PLS1: variants seen among roughly 807,000 people sequenced by gnomAD.
PLS1 encodes the protein plastin-1.
PLS1 carries 32 observed loss-of-function variants against 73.7 expected under a neutral mutation model. The observed-to-expected ratio is 0.43, with a 90% CI of 0.33 to 0.58. The LOEUF is 0.58. Among genes scored for constraint, PLS1 ranks in the 20% least tolerant of loss-of-function variants. The pLI, the probability that PLS1 is intolerant of heterozygous loss-of-function variation, is 0.04. For missense variants in PLS1, 633 were observed against 740.5 expected (o/e 0.85, Z 1.68); for synonymous variants, 217 against 261.3 (o/e 0.83, Z 1.63).
intron 1 of PLS1, among the ~76,000 whole-genome samples, chr3:142,643,805 CTT>C (rs902414252): frequency 6.7e-6 from 1 of 149,500 alleles, no homozygotes; most frequent in African/African-American, 2.5e-5. Flanking sequence ...TAGTTCTGCT[CTT>C]GTTAATTTCT....
Position 142,700,317 on chromosome 3 carries a change from T to TTTTATTTA in PLS1, c.1371+2266_1371+2273dup, listed in dbSNP as rs370206449. ...TTCTTCTTCATTATTATTATTATTA[T>TTTTATTTA]TTTATTTATTTATTTATTTATTTGA... On this transcript the variant is annotated intron_variant, in intron 12 of 15. Transcript: ENST00000457734. Among the ~76,000 whole-genome samples, 558 of 150,884 alleles carry TTTTATTTA rather than the reference T, an allele frequency of 3.7e-3. 5 individuals carry two copies. Among genetic ancestry groups the TTTTATTTA allele is most frequent in the African/African-American group, 0.013 (536 of 40,802 alleles).
At chr3:142,658,687 C>T (rs1422000714) in intron 1 of PLS1, among the ~76,000 whole-genome samples, 1 of 152,072 alleles carries the variant, frequency 6.6e-6, no homozygotes, top group African/African-American at 2.4e-5. Context: ...ATGTATACTT[C>T]AGCAGTTTGC....
rs139707593 is a variant in PLS1 at position 142,611,243 on chromosome 3, C to T, written c.-37+14734C>T. Among the ~76,000 whole-genome samples the T allele has an allele frequency of 7.2e-5, 11 of 152,300 alleles. No homozygotes were observed. In the East Asian group the frequency reaches 1.2e-3, roughly 16 times the overall value. ...AAGCAGGCAGTGGACCAGATTTGGC[C>T]TTCAGGCTGAGTTTGTCAACCCCTG... On this transcript the variant is annotated intron_variant, in intron 1 of 15. Transcript: ENST00000457734.
chr3:142,599,214 A>C (rs1159376837), intron 1 of PLS1, among the ~76,000 whole-genome samples: 1 of 151,710 alleles, frequency 6.6e-6, no homozygotes, highest in Non-Finnish European at 1.5e-5. Context: ...ATAAATAAAT[A>C]AAAAGTGCAT....
At chr3:142,699,459 A>AAAAAC (rs1252574925) in intron 12 of PLS1, among the ~76,000 whole-genome samples, 1 of 152,204 alleles carries the variant, frequency 6.6e-6, no homozygotes, top group Non-Finnish European at 1.5e-5. Flanking sequence ...CTCTGTCTCA[A>AAAAAC]AAAACAAAAC....
In PLS1 at chr3:142,628,070, C is replaced by T. The variant is rs183731609; in HGVS notation, c.-37+31561C>T. Among the ~76,000 whole-genome samples the T allele has an allele frequency of 1.3e-4, 20 of 152,310 alleles. 1 individual carries two copies. The highest frequency in any genetic ancestry group is 1.2e-3 in the Admixed American group (18 of 15,294). On this transcript the variant is annotated intron_variant, in intron 1 of 15. Transcript: ENST00000457734. Reference sequence around the variant, plus strand: ...AATTTCAATGTCTACATAAAAGAAGCTCAGAGCTCTTTCTTGAATATCATG... The same window carrying T: ...AATTTCAATGTCTACATAAAAGAAGTTCAGAGCTCTTTCTTGAATATCATG...
chr3:142,704,619 G>A (rs560360926), intron 14 of PLS1, 33 bp downstream of exon 14: 3 of 497,410 alleles, frequency 6.0e-6, no homozygotes. Flanking sequence ...ATTTTTTTTT[G>A]TAGGTATAGG....
At chr3:142,666,912 T>A (rs1248446881) in intron 2 of PLS1, among the ~76,000 whole-genome samples, 1 of 152,250 alleles carries the variant, frequency 6.6e-6, no homozygotes, top group Non-Finnish European at 1.5e-5. Flanking sequence ...CTAATGTGCT[T>A]ATTGGCCAAT....
intron 14 of PLS1, among the ~76,000 whole-genome samples, chr3:142,709,890 A>G (rs1001493283): frequency 6.6e-6 from 1 of 151,998 alleles, no homozygotes; most frequent in Non-Finnish European, 1.5e-5. Context: ...TCTTCTTCAC[A>G]TGGCTTCAGA....
intron 1 of PLS1, among the ~76,000 whole-genome samples, chr3:142,637,069 T>A (rs906603565): frequency 2.0e-5 from 3 of 152,184 alleles, no homozygotes; most frequent in Non-Finnish European, 1.5e-5. Context: ...AGGCATTTAC[T>A]GAAGAAAAAT....
Position 142,674,124 on chromosome 3 carries a change from T to C in PLS1, c.365-2033T>C, listed in dbSNP as rs1426464034. On this transcript the variant is annotated intron_variant, in intron 4 of 15. Coordinates refer to ENST00000457734, the MANE Select transcript of PLS1 (RefSeq NM_001145319.2). ...TTCTTTTTTTAAATTCTGCAAACAT[T>C]GCATATATATTTCTGGTGGTGTGTG... Among the ~76,000 whole-genome samples, 6 of 152,200 alleles carry C rather than the reference T, an allele frequency of 3.9e-5. No homozygotes were observed. The East Asian group carries it at 1.2e-3, about 29-fold the overall frequency.
At chr3:142,642,249 T>C (rs2036858341) in intron 1 of PLS1, among the ~76,000 whole-genome samples, 1 of 152,184 alleles carries the variant, frequency 6.6e-6, no homozygotes, top group Non-Finnish European at 1.5e-5. Context: ...GGTGAATTTT[T>C]TTCCATATTC....
Position 142,711,579 on chromosome 3 carries a change from A to G in PLS1, c.1708A>G (p.Ile570Val). The G allele has an allele frequency of 6.2e-7, 1 of 1,608,648 alleles. No individual in the cohort carries two copies. The highest frequency in any genetic ancestry group is 8.5e-7 in the Non-Finnish European group (1 of 1,175,858). Reference protein sequence around the residue: ...IAPNAVRQEMIRRENLSDEDK... With the variant: ...IAPNAVRQEMVRRENLSDEDK... ...ACCAAATGCAGTTCGTCAAGAAATG[A>G]TCAGGAGAGAAAACTTATCTGATGA... The change falls in exon 15 of 16, where the codon ATC becomes GTC. Residue 570 changes from isoleucine (I) to valine (V), a missense_variant. Transcript: ENST00000457734.
rs1278168587 is a variant in PLS1, at chr3:142,613,501, T to G, written c.-37+16992T>G. Among the ~76,000 whole-genome samples, 3 of 151,592 alleles carry G rather than the reference T, an allele frequency of 2.0e-5. No individual in the cohort carries two copies. The East Asian group carries it at 5.8e-4, about 29-fold the overall frequency. ...CAAAAGAAAAAAAAAGTTTTCAACT[T>G]AAAAAAAGAAAAGAAAAAAGCTAAG... On this transcript the variant is annotated intron_variant, in intron 1 of 15. Coordinates refer to ENST00000457734, the MANE Select transcript of PLS1 (RefSeq NM_001145319.2).
intron 1 of PLS1, among the ~76,000 whole-genome samples, chr3:142,626,951 C>T (rs1292287648): frequency 6.6e-6 from 1 of 152,210 alleles, no homozygotes; most frequent in African/African-American, 2.4e-5. Flanking sequence ...CTTTGTAGAA[C>T]GTCTACTCCT....
chr3:142,638,320 A>G (rs1381593047), intron 1 of PLS1, among the ~76,000 whole-genome samples: 2 of 152,214 alleles, frequency 1.3e-5, no homozygotes, highest in African/African-American at 4.8e-5. Flanking sequence ...CCAGCATGGC[A>G]TCCTGGATCT....
chr3:142,601,161 G>A (rs1040074795), intron 1 of PLS1, among the ~76,000 whole-genome samples: 45 of 150,176 alleles, frequency 3.0e-4, no homozygotes, highest in African/African-American at 1.1e-3. Flanking sequence ...TCCTGACCTC[G>A]TGATCCGCCC....
chr3:142,704,105 T>C (rs767999312), intron 13 of PLS1, 104 bp downstream of exon 13: 3 of 844,224 alleles, frequency 3.6e-6, no homozygotes, highest in African/African-American at 1.7e-5. Flanking sequence ...AGAAGAAATA[T>C]ACAATGCAAA....
At chr3:142,600,903 TATA>T (rs2035907573) in intron 1 of PLS1, among the ~76,000 whole-genome samples, 4 of 32,580 alleles carry the variant, frequency 1.2e-4, no homozygotes, top group African/African-American at 8.0e-4. Flanking sequence ...TATATATATA[TATA>T]TATATATATA....
Sources: allele counts gnomAD v4.1 joint callset (sites outside exome capture counted in the v4.1 genomes callset), GRCh38; gene constraint gnomAD v4.1.1; transcripts MANE v1.5; gene names NCBI Gene and HGNC (gene_info 2026-07-23, HGNC 2026-07-21).